Variants in PADI2 observed in about 807,000 individuals in gnomAD.
PADI2 encodes peptidyl arginine deiminase 2.
A neutral mutation model predicts 81.1 loss-of-function variants in PADI2; 70 were observed. That is an observed-to-expected ratio of 0.86 (90% confidence interval 0.71 to 1.05). The LOEUF (loss-of-function observed/expected upper bound fraction) is 1.05. PADI2 is among the 50% of genes least tolerant of loss of function. The pLI, the probability that PADI2 is intolerant of heterozygous loss-of-function variation, is 0.00. For missense variants in PADI2, 853 were observed against 889.9 expected (o/e 0.96, Z 0.53); for synonymous variants, 338 against 358.0 (o/e 0.94, Z 0.63).
chr1:17,108,028 A>C (rs560767870), intron 1 of PADI2, among the ~76,000 whole-genome samples: 12 of 149,900 alleles, frequency 8.0e-5, no homozygotes, highest in Non-Finnish European at 1.8e-4. Flanking sequence ...AGCTTATTGC[A>C]AACTCTGTCT....
chr1:17,068,991 G>C lies in PADI2; in HGVS notation c.*53C>G. 7.6e-7 allele frequency: 1 copy of C among 1,319,050 alleles called. No homozygotes were observed. Among genetic ancestry groups the C allele is most frequent in the East Asian group, 2.3e-5 (1 of 43,440 alleles). 81.7% of individuals were successfully genotyped at this position (1,319,050 alleles called of 1,614,324 possible). On this transcript the variant is annotated 3_prime_UTR_variant, in exon 16 of 16. Coordinates refer to ENST00000375486, the MANE Select transcript of PADI2 (RefSeq NM_007365.3). ...TCAGCAGAAGGCTCTGGGCGTGTGA[G>C]GGAGGGTCTGGAGAACTAAGCGAAG...
At chr1:17,094,687 A>G (rs571162216) in intron 4 of PADI2, among the ~76,000 whole-genome samples, 2 of 152,286 alleles carry the variant, frequency 1.3e-5, no homozygotes, top group African/African-American at 2.4e-5. Context: ...CTCAGCAAAT[A>G]TTTATGGGAT....
At chr1:17,091,402 T>C (rs1930689351) in intron 6 of PADI2, among the ~76,000 whole-genome samples, 1 of 151,700 alleles carries the variant, frequency 6.6e-6, no homozygotes, top group Non-Finnish European at 1.5e-5. Context: ...CATACATCAT[T>C]ATTATGACAG....
chr1:17,095,763 G>T (rs111477627), intron 4 of PADI2, 146 bp downstream of exon 4: 1 of 605,866 alleles, frequency 1.7e-6, no homozygotes, highest in Non-Finnish European at 3.0e-6. Flanking sequence ...TCCTCTGTGG[G>T]TTCCATCATT....
At chr1:17,079,013 T>A (rs2078324308) in intron 11 of PADI2, 1 of 284,268 alleles carries the variant, frequency 3.5e-6, no homozygotes, top group Non-Finnish European at 6.6e-6. Flanking sequence ...TGATTTATAA[T>A]CTCATTATAC....
At position 17,099,739 on chromosome 1, in the gene PADI2, A is replaced by G. The variant is rs143982812; in HGVS notation, c.349+3248T>C. 3.1e-3 allele frequency among the ~76,000 whole-genome samples: 473 copies of G among 152,322 alleles called. 2 individuals are homozygous for G. Among genetic ancestry groups the G allele is most frequent in the African/African-American group, 0.011 (453 of 41,574 alleles). The stretch of plus-strand genomic sequence containing the variant: ...AGCAAGAGAGAAAAGCAGGCGGAGC[A>G]TTGACTAAGCACCCACTCTGTGCCG... On this transcript the variant is annotated intron_variant, in intron 3 of 15. Transcript: ENST00000375486.
rs748873901 is a variant in PADI2, at chr1:17,104,833, G to A, written c.276+45C>T. The A allele has an allele frequency of 1.6e-5, 24 of 1,496,338 alleles. No individual in the cohort carries two copies. The South Asian group carries it at 2.8e-4, about 17-fold the overall frequency. 92.7% of individuals were successfully genotyped at this position (1,496,338 alleles called of 1,614,324 possible). A position where few individuals can be genotyped will look rare whatever the true frequency, so the allele number is the denominator to read the frequency against. ...GGCTGGTCCACCCTGCCTCTATCCT[G>A]GCATGGTCCCGGGCCCGCAGAGGCT... On this transcript the variant is annotated intron_variant, in intron 2 of 15. Coordinates refer to ENST00000375486, the MANE Select transcript of PADI2 (RefSeq NM_007365.3).
intron 3 of PADI2, among the ~76,000 whole-genome samples, chr1:17,100,130 C>G (rs566843474): frequency 1.3e-5 from 2 of 151,942 alleles, no homozygotes; most frequent in Non-Finnish European, 2.9e-5. Context: ...GGCAGATGCT[C>G]GAGAAAAGAG....
At chr1:17,103,116 C>G in intron 2 of PADI2, 57 bp from the exon 3 acceptor site, 1 of 1,328,144 alleles carries the variant, frequency 7.5e-7, no homozygotes, top group East Asian at 2.4e-5. Flanking sequence ...GATCACAGAT[C>G]ACAAGCAGGA....
intron 10 of PADI2, among the ~76,000 whole-genome samples, chr1:17,081,865 C>T (rs2078347183): frequency 6.6e-6 from 1 of 152,154 alleles, no homozygotes; most frequent in Non-Finnish European, 1.5e-5. Flanking sequence ...GTAATCCCAG[C>T]ACTTTGGGAG....
chr1:17,100,405 C>A (rs1229878731), intron 3 of PADI2, among the ~76,000 whole-genome samples: 4 of 152,072 alleles, frequency 2.6e-5, no homozygotes, highest in Non-Finnish European at 5.9e-5. Context: ...CTGCCTCAGC[C>A]TCCTGAGTAG....
intron 11 of PADI2, among the ~76,000 whole-genome samples, chr1:17,076,712 G>A (rs1472192385): frequency 6.6e-6 from 1 of 152,010 alleles, no homozygotes; most frequent in Middle Eastern, 3.2e-3. Context: ...AAGTAGCTGG[G>A]ACTACAGGTG....
At chr1:17,110,206 G>T (rs1225979439) in intron 1 of PADI2, among the ~76,000 whole-genome samples, 2 of 152,174 alleles carry the variant, frequency 1.3e-5, no homozygotes, top group African/African-American at 2.4e-5. Context: ...CACCTGGATT[G>T]TCCCTGGAGG....
chr1:17,119,372 C>G lies in PADI2; in HGVS notation c.-1G>C. 1 of 1,530,116 alleles carries G rather than the reference C, an allele frequency of 6.5e-7. No homozygotes were observed. The highest frequency in any genetic ancestry group is 8.8e-7 in the Non-Finnish European group (1 of 1,138,780). The allele number at this position is 1,530,116 out of a possible 1,614,324, so 94.8% of individuals were successfully genotyped here. A position where few individuals can be genotyped will look rare whatever the true frequency, so the allele number is the denominator to read the frequency against. On this transcript the variant is annotated 5_prime_UTR_variant, in exon 1 of 16. Transcript: ENST00000375486. The surrounding 1 kb of genome is among the most constrained non-coding windows in gnomAD (Gnocchi z 4.8). ...GCCGCACGGTCCGCTCGCGCAGCAT[C>G]CTCCCCGCCGCAGTGCCCGCGCTCG... is the stretch of plus-strand genomic sequence containing the variant.
chr1:17,104,061 T>G (rs957207559), intron 2 of PADI2, among the ~76,000 whole-genome samples: 1 of 150,116 alleles, frequency 6.7e-6, no homozygotes, highest in Non-Finnish European at 1.5e-5. Context: ...GGTGGGCGGA[T>G]CACAAGGTCA....
rs1351795186 is a variant in PADI2, at chr1:17,075,200, G to C, written c.1456-251C>G. ...GACTTGGACAGGACATCTCCAAGTT[G>C]CCAAGCAGCCACACAATTTGCAGAG... On this transcript the variant is annotated intron_variant, in intron 12 of 15. Coordinates refer to ENST00000375486, the MANE Select transcript of PADI2 (RefSeq NM_007365.3). The C allele has an allele frequency of 3.6e-5, 15 of 421,050 alleles. No individual in the cohort carries two copies. In the East Asian group the frequency reaches 5.6e-4, roughly 16 times the overall value. 26.1% of individuals were successfully genotyped at this position (421,050 alleles called of 1,614,324 possible). A position where few individuals can be genotyped will look rare whatever the true frequency, so the allele number is the denominator to read the frequency against.
intron 2 of PADI2, among the ~76,000 whole-genome samples, chr1:17,104,111 T>C (rs548230669): frequency 7.2e-6 from 1 of 139,566 alleles, no homozygotes; most frequent in East Asian, 2.2e-4. Flanking sequence ...TGAAACCCCA[T>C]CTCTACTAAA....
chr1:17,078,615 T>G (rs913446613), intron 11 of PADI2, among the ~76,000 whole-genome samples: 10 of 152,190 alleles, frequency 6.6e-5, no homozygotes, highest in Middle Eastern at 3.4e-3. Flanking sequence ...CTCGAACTTC[T>G]GGTCTCAAGC....
chr1:17,071,486 C>T lies in PADI2; in HGVS notation c.1555G>A (p.Gly519Ser), dbSNP rs772085823. Residue 519 changes from glycine to serine, a missense_variant, in exon 14 of 16, where the codon GGT (glycine) becomes AGT (serine). Physicochemically the swap from Gly to Ser is moderately conservative, Grantham distance 56. Transcript: ENST00000375486. Reference sequence around the variant, plus strand: ...GTGATTCGCTTGCTGCTCATCCCACCCAAGCCTGTGGGGTTCAAAGGACAG... The same window carrying T: ...GTGATTCGCTTGCTGCTCATCCCACTCAAGCCTGTGGGGTTCAAAGGACAG... The part of the protein sequence containing the change: ...HGEAIMFKGL[G>S]GMSSKRITIN... 3 of 1,613,338 alleles carry T rather than the reference C, an allele frequency of 1.9e-6. No individual in the cohort carries two copies. The South Asian group carries it at 3.3e-5, about 18-fold the overall frequency.
Sources: allele counts gnomAD v4.1 joint callset (sites outside exome capture counted in the v4.1 genomes callset), GRCh38; gene constraint gnomAD v4.1.1; non-coding constraint Gnocchi (gnomAD v3.1); transcripts MANE v1.5; gene names NCBI Gene and HGNC (gene_info 2026-07-23, HGNC 2026-07-21).